UVRAG: variants seen among roughly 807,000 people sequenced by gnomAD.
The protein encoded by UVRAG is UV radiation resistance-associated gene protein.
A neutral mutation model predicts 78.0 loss-of-function variants in UVRAG; 19 were observed. The observed-to-expected ratio is 0.24, with a 90% confidence interval of 0.17 to 0.36. UVRAG has a LOEUF of 0.36. Ranked by LOEUF, UVRAG falls within the 10% of genes least tolerant of loss-of-function variation. UVRAG has a pLI of 1.00. For synonymous variants in UVRAG, 323 were observed against 324.6 expected (o/e 1.00, Z 0.05); for missense variants, 740 against 853.8 (o/e 0.87, Z 1.66).
intron 13 of UVRAG, among the ~76,000 whole-genome samples, chr11:76,106,568 A>G (rs1317385696): frequency 6.6e-6 from 1 of 152,048 alleles, no homozygotes; most frequent in Non-Finnish European, 1.5e-5. Context: ...GGGTTTTACC[A>G]TGTTGGCCAG....
chr11:76,132,709 C>T (rs1037743302), intron 14 of UVRAG, among the ~76,000 whole-genome samples: 1 of 152,088 alleles, frequency 6.6e-6, no homozygotes, highest in African/African-American at 2.4e-5. Flanking sequence ...ATAGCTGATG[C>T]TTAGAATGCC....
At chr11:75,892,080 T>C (rs1284273308) in intron 5 of UVRAG, among the ~76,000 whole-genome samples, 1 of 152,042 alleles carries the variant, frequency 6.6e-6, no homozygotes. Context: ...GGACTGAACC[T>C]CCCCCACAAA....
At chr11:75,830,129 T>C (rs970928028) in intron 1 of UVRAG, among the ~76,000 whole-genome samples, 1 of 152,168 alleles carries the variant, frequency 6.6e-6, no homozygotes, top group Non-Finnish European at 1.5e-5. Flanking sequence ...TGTGAGCCAC[T>C]GTGCCTGGCC....
chr11:76,093,772 G>A (rs191881629), intron 13 of UVRAG, among the ~76,000 whole-genome samples: 58 of 152,320 alleles, frequency 3.8e-4, no homozygotes, highest in Middle Eastern at 3.4e-3. Flanking sequence ...AGACAATGGG[G>A]TTTTCTAGAT....
rs112183787 is a variant in UVRAG, at chr11:76,091,837, G to GT, written c.1306-24077dup. On this transcript the variant is annotated intron_variant, in intron 13 of 14. Coordinates refer to ENST00000356136, the MANE Select transcript of UVRAG (RefSeq NM_003369.4). ...TTTGGAGATACCCGATTGTATATTT[G>GT]TTTTTTTTTTATTATTCTTTAAGTT... Among the ~76,000 whole-genome samples, 364 of 146,562 alleles carry GT rather than the reference G, an allele frequency of 2.5e-3. 1 individual carries two copies. Among genetic ancestry groups the GT allele is most frequent in the African/African-American group, 6.5e-3 (262 of 40,182 alleles).
intron 13 of UVRAG, among the ~76,000 whole-genome samples, chr11:76,104,619 C>T (rs1277476214): frequency 6.6e-6 from 1 of 152,092 alleles, no homozygotes; most frequent in Admixed American, 6.6e-5. Context: ...AGATTATTTC[C>T]AAATTTCCCG....
intron 2 of UVRAG, among the ~76,000 whole-genome samples, chr11:75,853,995 ACTC>A (rs1406844825): frequency 6.8e-6 from 1 of 148,096 alleles, no homozygotes; most frequent in East Asian, 2.0e-4. Context: ...CTGGTCTTGA[ACTC>A]CTGACCTCAG....
intron 6 of UVRAG, among the ~76,000 whole-genome samples, chr11:75,945,286 C>A (rs1948567117): frequency 6.6e-6 from 1 of 152,018 alleles, no homozygotes; most frequent in Non-Finnish European, 1.5e-5. Flanking sequence ...TTATTACAGT[C>A]TGTTACTGAA....
At chr11:76,090,603 A>G (rs186937430) in intron 13 of UVRAG, among the ~76,000 whole-genome samples, 1 of 152,278 alleles carries the variant, frequency 6.6e-6, no homozygotes, top group African/African-American at 2.4e-5. Context: ...TAGGTTTTCA[A>G]ATTACTTTGT....
At chr11:75,889,681 C>T (rs1243648258) in intron 5 of UVRAG, among the ~76,000 whole-genome samples, 1 of 152,174 alleles carries the variant, frequency 6.6e-6, no homozygotes, top group East Asian at 1.9e-4. Context: ...ATTTATTCAA[C>T]AACATTTTAT....
At chr11:75,921,136 T>C (rs1263607134) in intron 6 of UVRAG, among the ~76,000 whole-genome samples, 1 of 152,236 alleles carries the variant, frequency 6.6e-6, no homozygotes, top group Admixed American at 6.5e-5. Context: ...ATGTATTGTT[T>C]CAATTGTTAG....
At chr11:75,955,604 A>G (rs759283928) in intron 6 of UVRAG, among the ~76,000 whole-genome samples, 1 of 152,178 alleles carries the variant, frequency 6.6e-6, no homozygotes, top group Non-Finnish European at 1.5e-5. Context: ...TCCTTACCCT[A>G]ATCAAGACAT....
intron 12 of UVRAG, among the ~76,000 whole-genome samples, chr11:76,057,847 G>T (rs1276193481): frequency 1.3e-5 from 2 of 152,048 alleles, no homozygotes; most frequent in African/African-American, 4.8e-5. Context: ...ACTCGATCAT[G>T]GGGGAAAAAT....
At chr11:75,851,294 C>G (rs774190212) in intron 1 of UVRAG, among the ~76,000 whole-genome samples, 1 of 152,118 alleles carries the variant, frequency 6.6e-6, no homozygotes, top group Non-Finnish European at 1.5e-5. Flanking sequence ...AGGAAGGAGG[C>G]CTGATTATGA....
chr11:76,064,194 T>A (rs1951145045), intron 12 of UVRAG, among the ~76,000 whole-genome samples: 1 of 152,226 alleles, frequency 6.6e-6, no homozygotes, highest in South Asian at 2.1e-4. Context: ...AGTTTCTAGA[T>A]TTATACCTTG....
At chr11:75,922,897 C>T (rs1409710133) in intron 6 of UVRAG, among the ~76,000 whole-genome samples, 2 of 149,066 alleles carry the variant, frequency 1.3e-5, no homozygotes, top group African/African-American at 5.0e-5. Flanking sequence ...TGCACCACTG[C>T]ACCCCAGTCT....
chr11:75,980,682 A>ATT (rs35190339), intron 7 of UVRAG, among the ~76,000 whole-genome samples: 13,019 of 139,074 alleles, frequency 0.094, 1,447 homozygotes, highest in African/African-American at 0.27. Flanking sequence ...TCTGGCTAGA[A>ATT]TTTTTTTTTT....
Position 75,948,258 on chromosome 11 carries a change from A to G in UVRAG, c.594-13186A>G, listed in dbSNP as rs371416888. ...CTTACATCATTGTTTTGATTTTTTG[A>G]AGGACGCTATTGAAATCTGTGTTTT... On this transcript the variant is annotated intron_variant, in intron 6 of 14. Coordinates refer to ENST00000356136, the MANE Select transcript of UVRAG (RefSeq NM_003369.4). 6.8e-4 allele frequency among the ~76,000 whole-genome samples: 103 copies of G among 152,256 alleles called. 1 individual carries two copies. Among genetic ancestry groups the G allele is most frequent in the African/African-American group, 2.4e-3 (101 of 41,560 alleles).
At chr11:75,873,979 A>G (rs1317326431) in intron 3 of UVRAG, among the ~76,000 whole-genome samples, 2 of 152,194 alleles carry the variant, frequency 1.3e-5, no homozygotes, top group East Asian at 3.8e-4. Flanking sequence ...CTAATCTGTA[A>G]TGAATGCTTC....
Sources: gnomAD v4.1 joint callset for allele counts (sites outside exome capture counted in the v4.1 genomes callset) on GRCh38, gnomAD v4.1.1 for gene constraint, MANE v1.5 for transcripts, NCBI Gene and HGNC (gene_info 2026-07-23, HGNC 2026-07-21) for gene names.